The following CFAP73 variants were observed in gnomAD, a reference collection of about 807,000 sequenced individuals.
CFAP73 encodes cilia and flagella associated protein 73.
CFAP73 carries 33 observed loss-of-function variants against 42.9 expected under a neutral mutation model. The ratio of observed to expected loss-of-function variants is 0.77; its 90% confidence interval spans 0.58 to 1.03. CFAP73 has a LOEUF of 1.03. Among genes scored for constraint, CFAP73 ranks in the 50% least tolerant of loss-of-function variants. The probability of loss-of-function intolerance (pLI) is 0.00; values close to 1 mark genes in which losing one functional copy is unlikely to be tolerated. For missense variants in CFAP73, 392 were observed against 411.9 expected (o/e 0.95, Z 0.42); for synonymous variants, 162 against 186.8 (o/e 0.87, Z 1.08).
At chr12:113,157,467 C>T (rs1952142269) in intron 6 of CFAP73, 135 bp from the exon 7 acceptor site, 1 of 710,120 alleles carries the variant, frequency 1.4e-6, no homozygotes, top group Non-Finnish European at 2.4e-6. Context: ...CTCTGGGAAC[C>T]ACCATCATCA....
In CFAP73 at chr12:113,154,876, G is replaced by A. The variant is rs12099940; in HGVS notation, c.690+241G>A. On this transcript the variant is annotated intron_variant, in intron 5 of 7. Transcript: ENST00000335621. The surrounding 1 kb of genome is among the most constrained non-coding windows in gnomAD (Gnocchi z 4.7). ...ACCTGACTGCCTGACTGGCAGAGGT[G>A]GATGGGAAGAATGCCGGGCGCGGTG... 0.014 allele frequency among the ~76,000 whole-genome samples: 2,140 copies of A among 152,198 alleles called. 36 individuals are homozygous for A. The highest frequency in any genetic ancestry group is 0.048 in the African/African-American group (2,001 of 41,514).
chr12:113,150,174 T>C (rs1952049687), intron 1 of CFAP73, among the ~76,000 whole-genome samples: 1 of 152,140 alleles, frequency 6.6e-6, no homozygotes, highest in Non-Finnish European at 1.5e-5. Flanking sequence ...GAAGGAATTA[T>C]TCTATGAAAT....
At chr12:113,151,520 T>C (rs1952060674) in intron 1 of CFAP73, among the ~76,000 whole-genome samples, 1 of 151,986 alleles carries the variant, frequency 6.6e-6, no homozygotes, top group Non-Finnish European at 1.5e-5. Flanking sequence ...CAACCAGATG[T>C]GGTGGCTTAT....
intron 1 of CFAP73, 64 bp from the exon 2 acceptor site, chr12:113,151,854 T>C (rs1009330739): frequency 8.8e-7 from 1 of 1,133,166 alleles, no homozygotes; most frequent in Non-Finnish European, 1.3e-6. Context: ...CCAGACACAG[T>C]GGTGAGATGT....
At chr12:113,156,313 G>A (rs913531962) in intron 6 of CFAP73, among the ~76,000 whole-genome samples, 1 of 152,016 alleles carries the variant, frequency 6.6e-6, no homozygotes, top group Non-Finnish European at 1.5e-5. Context: ...TTGAGAACTG[G>A]AGGAAAAGTA....
In CFAP73 at chr12:113,159,238, G is replaced by C. The variant is rs562000141; in HGVS notation, c.*549G>C. 4.8e-5 allele frequency: 50 copies of C among 1,035,408 alleles called. No individual in the cohort carries two copies. In the African/African-American group the frequency reaches 7.5e-4, roughly 16 times the overall value. 64.1% of individuals were successfully genotyped at this position (1,035,408 alleles called of 1,614,324 possible). A position where few individuals can be genotyped will look rare whatever the true frequency, so the allele number is the denominator to read the frequency against. ...TGCTTATTGCTGTGGCCCAGTGTCT[G>C]TACACAGTAGGTGGCTAATAAAGTT... On this transcript the variant is annotated 3_prime_UTR_variant, in exon 8 of 8. Transcript: ENST00000335621.
intron 1 of CFAP73, among the ~76,000 whole-genome samples, chr12:113,150,237 C>T (rs1445481386): frequency 6.6e-6 from 1 of 152,210 alleles, no homozygotes; most frequent in Non-Finnish European, 1.5e-5. Flanking sequence ...ACAGAGGAAG[C>T]TTGTTCTGTG....
Position 113,154,719 on chromosome 12 carries a change from C to T in CFAP73, c.690+84C>T, listed in dbSNP as rs1952101060. The T allele has an allele frequency of 1.5e-6, 2 of 1,367,552 alleles. No individual in the cohort carries two copies. Among genetic ancestry groups the T allele is most frequent in the African/African-American group, 1.5e-5 (1 of 65,080 alleles). 84.7% of individuals were successfully genotyped at this position (1,367,552 alleles called of 1,614,324 possible). On this transcript the variant is annotated intron_variant, in intron 5 of 7. Transcript: ENST00000335621. The surrounding 1 kb of genome is among the most constrained non-coding windows in gnomAD (Gnocchi z 4.7). ...GAGGAACGCCAGGGCTGATGAGGACCGATGGGGCAATGCTTACCCCAGAGG... is the reference window on the plus strand; with the variant it reads ...GAGGAACGCCAGGGCTGATGAGGACTGATGGGGCAATGCTTACCCCAGAGG...
chr12:113,151,526 C>T (rs539528828), intron 1 of CFAP73, among the ~76,000 whole-genome samples: 1 of 152,238 alleles, frequency 6.6e-6, no homozygotes, highest in South Asian at 2.1e-4. Flanking sequence ...GATGTGGTGG[C>T]TTATGCCTGT....
chr12:113,154,464 G>T lies in CFAP73; in HGVS notation c.519G>T (p.Thr173=), dbSNP rs1173888103. 1.3e-6 allele frequency: 2 copies of T among 1,545,874 alleles called. No homozygotes were observed. The highest frequency in any genetic ancestry group is 2.5e-5 in the East Asian group (1 of 40,474). Residue 173 remains threonine, a synonymous_variant, in exon 5 of 8, where the codon ACG becomes ACT. Coordinates refer to ENST00000335621, the MANE Select transcript of CFAP73 (RefSeq NM_001144872.3). The surrounding 1 kb of genome is among the most constrained non-coding windows in gnomAD (Gnocchi z 4.7). ...CGCGCTTCGACGGCCTGGCCGAGAC[G>T]CAGGCGGCGCTGAGGCTCAGGGAGC... ...LVARFDGLAE[T]QAALRLRERE...
At chr12:113,151,209 C>T (rs1048572416) in intron 1 of CFAP73, among the ~76,000 whole-genome samples, 8 of 152,068 alleles carry the variant, frequency 5.3e-5, no homozygotes, top group Admixed American at 2.6e-4. Context: ...CAACCAGGTG[C>T]GGTGGCTCAC....
At chr12:113,155,104 C>T (rs1280287627) in intron 5 of CFAP73, among the ~76,000 whole-genome samples, 156 bp from the exon 6 acceptor site, 1 of 151,708 alleles carries the variant, frequency 6.6e-6, no homozygotes, top group Non-Finnish European at 1.5e-5. Flanking sequence ...TGGGAGCCGG[C>T]GGTTGCAGTG....
intron 2 of CFAP73, among the ~76,000 whole-genome samples, 168 bp from the exon 3 acceptor site, chr12:113,152,615 G>C (rs1027868138): frequency 6.6e-6 from 1 of 152,210 alleles, no homozygotes; most frequent in Non-Finnish European, 1.5e-5. Context: ...TCGAGGGCTG[G>C]AGGAGGGTGT....
chr12:113,157,091 A>C (rs1952137262), intron 6 of CFAP73: 1 of 153,008 alleles, frequency 6.5e-6, no homozygotes, highest in African/African-American at 2.4e-5. Flanking sequence ...TGGTGGAGAT[A>C]AAAAGTTTCC....
intron 1 of CFAP73, 101 bp from the exon 2 acceptor site, chr12:113,151,817 C>T: frequency 1.8e-6 from 1 of 566,772 alleles, no homozygotes; most frequent in East Asian, 3.8e-5. Context: ...AAAAATTAAA[C>T]AGCCAGCAGG....
At position 113,153,426 on chromosome 12, in the gene CFAP73, G is replaced by A. The variant is rs1452188741; in HGVS notation, c.468+18G>A. 24 of 1,395,962 alleles carry A rather than the reference G, an allele frequency of 1.7e-5. No individual in the cohort carries two copies. The highest frequency in any genetic ancestry group is 2.1e-5 in the Non-Finnish European group (23 of 1,083,096). The allele number at this position is 1,395,962 out of a possible 1,614,324, so 86.5% of individuals were successfully genotyped here. On this transcript the variant is annotated intron_variant, in intron 4 of 7. Coordinates refer to ENST00000335621, the MANE Select transcript of CFAP73 (RefSeq NM_001144872.3). ...TGCCCGGGGTGAGTCCGGGGCAGGAGGCTGGGAGCTCGGCGCCACCGCGTG... is the reference window on the plus strand; with the variant it reads ...TGCCCGGGGTGAGTCCGGGGCAGGAAGCTGGGAGCTCGGCGCCACCGCGTG...
rs534658567 is a variant in CFAP73 at position 113,157,479 on chromosome 12, T to C, written c.850-123T>C. 6.7e-5 allele frequency: 51 copies of C among 756,040 alleles called. No homozygotes were observed. In the South Asian group the frequency reaches 8.1e-4, roughly 12 times the overall value. The allele number at this position is 756,040 out of a possible 1,614,324, so 46.8% of individuals were successfully genotyped here. On this transcript the variant is annotated intron_variant, in intron 6 of 7. Transcript: ENST00000335621. ...CACCTCTGGGAACCACCATCATCAC[T>C]GTTCTTTTAATGAGGGGATCTCCAG... is the stretch of plus-strand genomic sequence containing the variant.
rs541870648 is a variant in CFAP73, at chr12:113,153,563, G to A, written c.468+155G>A. ...ATCACTTATGGAGCGCTCACTGTAA[G>A]CAAGGGATACGCTTTGGTTTTTGTG... On this transcript the variant is annotated intron_variant, in intron 4 of 7. Transcript: ENST00000335621. Among the ~76,000 whole-genome samples, 78 of 152,328 alleles carry A rather than the reference G, an allele frequency of 5.1e-4. 3 individuals carry two copies. The South Asian group carries it at 0.012, about 23-fold the overall frequency.
At chr12:113,155,218 G>C (rs1205016597) in intron 5 of CFAP73, 42 bp from the exon 6 acceptor site, 1 of 1,471,146 alleles carries the variant, frequency 6.8e-7, no homozygotes. Flanking sequence ...AGCCCGCCTT[G>C]GCCCAGTTGC....
Sources: allele counts gnomAD v4.1 joint callset (sites outside exome capture counted in the v4.1 genomes callset), GRCh38; gene constraint gnomAD v4.1.1; non-coding constraint Gnocchi (gnomAD v3.1); transcripts MANE v1.5; gene names NCBI Gene and HGNC (gene_info 2026-07-23, HGNC 2026-07-21).